CMSS1: variants seen among roughly 807,000 people sequenced by gnomAD.
CMSS1 encodes protein CMSS1.
A neutral mutation model predicts 43.5 loss-of-function variants in CMSS1; 33 were observed. The ratio of observed to expected loss-of-function variants is 0.76; its 90% CI spans 0.57 to 1.01. The LOEUF is 1.01. Among genes scored for constraint, CMSS1 ranks in the 50% least tolerant of loss-of-function variants. The pLI is 0.00. For synonymous variants in CMSS1, 115 were observed against 117.2 expected (o/e 0.98, Z 0.12); for missense variants, 313 against 326.4 (o/e 0.96, Z 0.32).
At chr3:100,142,869 A>G (rs1289498611) in intron 1 of CMSS1, among the ~76,000 whole-genome samples, 1 of 152,230 alleles carries the variant, frequency 6.6e-6, no homozygotes, top group Non-Finnish European at 1.5e-5. Flanking sequence ...ACTTTTAGTC[A>G]ACACTGGGTC....
chr3:99,916,463 C>G lies in CMSS1; in HGVS notation c.64+98420C>G, dbSNP rs550936786. Among the ~76,000 whole-genome samples, 173 of 151,652 alleles carry G rather than the reference C, an allele frequency of 1.1e-3. 1 individual carries two copies. Among genetic ancestry groups the G allele is most frequent in the African/African-American group, 4.1e-3 (169 of 41,370 alleles). On this transcript the variant is annotated intron_variant, in intron 1 of 9. Coordinates refer to ENST00000421999, the MANE Select transcript of CMSS1 (RefSeq NM_032359.4). Reference sequence around the variant, plus strand: ...ACACACACACACACACACACACACACACACACACACACACACACACACGTT... The same window carrying G: ...ACACACACACACACACACACACACAGACACACACACACACACACACACGTT...
intron 1 of CMSS1, chr3:99,851,043 G>T (rs1175009377): frequency 6.3e-7 from 1 of 1,594,484 alleles, no homozygotes. Flanking sequence ...CCTGAGACTT[G>T]ATTTCTTGAT....
At chr3:99,943,775 G>A (rs1707923115) in intron 1 of CMSS1, among the ~76,000 whole-genome samples, 1 of 152,194 alleles carries the variant, frequency 6.6e-6, no homozygotes, top group East Asian at 1.9e-4. Context: ...TATAAGCAAA[G>A]CAGTAATAAA....
At chr3:99,953,895 A>G (rs1161997597) in intron 1 of CMSS1, among the ~76,000 whole-genome samples, 1 of 152,216 alleles carries the variant, frequency 6.6e-6, no homozygotes, top group African/African-American at 2.4e-5. Flanking sequence ...GCACCAAGGC[A>G]TACCTCCCAC....
chr3:99,876,016 C>T, intron 1 of CMSS1: 1 of 980,482 alleles, frequency 1.0e-6, no homozygotes, highest in Non-Finnish European at 1.2e-6. Context: ...GACTTGCTAC[C>T]TGGCTGTCTG....
At chr3:99,850,652 T>C (rs1943638169) in intron 1 of CMSS1, 3 of 1,614,144 alleles carry the variant, frequency 1.9e-6, no homozygotes, top group Non-Finnish European at 2.5e-6. Context: ...CGTAAAGACC[T>C]GTTTGTCTCT....
At chr3:100,176,476 A>G (rs768562940) in intron 9 of CMSS1, 61 bp downstream of exon 9, 3 of 1,102,948 alleles carry the variant, frequency 2.7e-6, no homozygotes, top group Non-Finnish European at 4.1e-6. Context: ...TGGTTCAAAC[A>G]CAGTAATAAA....
intron 1 of CMSS1, among the ~76,000 whole-genome samples, chr3:99,884,526 G>A (rs1576546829): frequency 6.6e-6 from 1 of 152,296 alleles, no homozygotes; most frequent in East Asian, 1.9e-4. Context: ...AGAGCCTACT[G>A]TCTGTCAGTC....
rs577663561 is a variant in CMSS1, at chr3:99,955,509, G to T, written c.64+137466G>T. Among the ~76,000 whole-genome samples the T allele has an allele frequency of 2.6e-5, 4 of 152,264 alleles. No homozygotes were observed. The East Asian group carries it at 7.7e-4, about 29-fold the overall frequency. On this transcript the variant is annotated intron_variant, in intron 1 of 9. Coordinates refer to ENST00000421999, the MANE Select transcript of CMSS1 (RefSeq NM_032359.4). ...AATTTAGTGGCCCAAGTTGAATCAG[G>T]AAGCCAGTTCCTCAGAACAGTTCCC...
intron 1 of CMSS1, chr3:99,930,725 C>A (rs746040460): frequency 3.0e-5 from 48 of 1,599,656 alleles, no homozygotes; most frequent in Non-Finnish European, 3.8e-5. Context: ...TCACAAGCAG[C>A]CTTCTGTTTG....
intron 1 of CMSS1, among the ~76,000 whole-genome samples, chr3:99,958,466 C>T (rs1708402332): frequency 6.6e-6 from 1 of 151,968 alleles, no homozygotes; most frequent in African/African-American, 2.4e-5. Context: ...CACTCAGGCC[C>T]ACCTTTCAAG....
chr3:99,824,381 G>A (rs138997998), intron 1 of CMSS1, among the ~76,000 whole-genome samples: 100 of 152,278 alleles, frequency 6.6e-4, no homozygotes, highest in African/African-American at 2.4e-3. Context: ...AGAGCACTTA[G>A]CACCAACTAT....
intron 1 of CMSS1, among the ~76,000 whole-genome samples, chr3:99,950,983 A>C (rs547570109): frequency 6.6e-6 from 1 of 152,350 alleles, no homozygotes; most frequent in Non-Finnish European, 1.5e-5. Context: ...AAAACTTGTT[A>C]AGAGGGATCC....
chr3:100,029,223 T>C (rs2064981745), intron 1 of CMSS1, among the ~76,000 whole-genome samples: 1 of 151,854 alleles, frequency 6.6e-6, no homozygotes, highest in South Asian at 2.1e-4. Context: ...AAGAATTATT[T>C]TTTATTTTCA....
chr3:99,978,939 G>C (rs1029915386), intron 1 of CMSS1, among the ~76,000 whole-genome samples: 1 of 152,076 alleles, frequency 6.6e-6, no homozygotes, highest in African/African-American at 2.4e-5. Flanking sequence ...TGGAGGCTGG[G>C]AGGAAAGGGA....
intron 1 of CMSS1, among the ~76,000 whole-genome samples, chr3:100,096,835 T>G (rs1238728637): frequency 6.6e-6 from 1 of 152,184 alleles, no homozygotes; most frequent in Non-Finnish European, 1.5e-5. Flanking sequence ...CATGATGTGA[T>G]TATTATACAT....
At chr3:99,988,668 A>G (rs148664394) in intron 1 of CMSS1, among the ~76,000 whole-genome samples, 55 of 152,312 alleles carry the variant, frequency 3.6e-4, no homozygotes, top group African/African-American at 1.2e-3. Flanking sequence ...TGGTAGTTAG[A>G]TGATGCAAAC....
intron 1 of CMSS1, among the ~76,000 whole-genome samples, chr3:100,078,246 G>A (rs550687036): frequency 2.6e-5 from 4 of 152,254 alleles, no homozygotes; most frequent in African/African-American, 9.6e-5. Flanking sequence ...GAAAGTAACA[G>A]TAGTTATTGA....
At chr3:99,837,099 T>G (rs1477208033) in intron 1 of CMSS1, among the ~76,000 whole-genome samples, 1 of 152,216 alleles carries the variant, frequency 6.6e-6, no homozygotes, top group African/African-American at 2.4e-5. Context: ...AGCATTTATA[T>G]TTTTCAGTTT....
Sources: gnomAD v4.1 joint callset for allele counts (sites outside exome capture counted in the v4.1 genomes callset) on GRCh38, gnomAD v4.1.1 for gene constraint, MANE v1.5 for transcripts, NCBI Gene and HGNC (gene_info 2026-07-23, HGNC 2026-07-21) for gene names.